TRMT9B: variants seen among roughly 807,000 people sequenced by gnomAD.
TRMT9B encodes the protein tRNA methyltransferase 9B (putative), also known as probable tRNA methyltransferase 9B.
TRMT9B carries 16 observed loss-of-function variants against 11.5 expected under a neutral mutation model. The observed-to-expected ratio is 1.39, with a 90% CI of 0.94 to 2.11. The LOEUF is 2.11. Among genes scored for constraint, TRMT9B ranks in the 30% most tolerant of loss-of-function variants. The probability of loss-of-function intolerance (pLI) is 0.00; values close to 1 mark genes in which losing one functional copy is unlikely to be tolerated. For missense variants in TRMT9B, 941 were observed against 553.8 expected (o/e 1.70, Z -7.02); for synonymous variants, 274 against 192.4 (o/e 1.42, Z -3.51).
intron 2 of TRMT9B, among the ~76,000 whole-genome samples, chr8:12,998,615 C>A: frequency 6.6e-6 from 1 of 152,324 alleles, no homozygotes; most frequent in African/African-American, 2.4e-5. Context: ...TAAAAAGCAC[C>A]GTCTTGAGGA....
At chr8:13,008,840 TG>T (rs749285068) in intron 3 of TRMT9B, among the ~76,000 whole-genome samples, 1 of 152,190 alleles carries the variant, frequency 6.6e-6, no homozygotes, top group Non-Finnish European at 1.5e-5. Flanking sequence ...GCCATTCTCC[TG>T]CCTCAGCCTC....
At position 13,012,763 on chromosome 8, in the gene TRMT9B, G is replaced by C. The variant is rs1811889524; in HGVS notation, c.234G>C (p.Glu78Asp). 1 of 1,613,972 alleles carries C rather than the reference G, an allele frequency of 6.2e-7. No homozygotes were observed. The highest frequency in any genetic ancestry group is 8.5e-7 in the Non-Finnish European group (1 of 1,179,884). Reference sequence around the variant, plus strand: ...GTGACTACTGTGGGCCACTGGTAGAGATTGCCCGGAATAGAGGATGTGAAG... The same window carrying C: ...GTGACTACTGTGGGCCACTGGTAGACATTGCCCGGAATAGAGGATGTGAAG... ...VGCDYCGPLV[E>D]IARNRGCEAM... Residue 78 changes from glutamate (E) to aspartate (D), a missense_variant, in exon 4 of 5, where the codon GAG (glutamate) becomes GAC (aspartate). Coordinates refer to ENST00000524591, the MANE Select transcript of TRMT9B (RefSeq NM_020844.3).
chr8:13,025,205 T>A lies in TRMT9B; in HGVS notation c.*3161T>A, dbSNP rs1237886757. On this transcript the variant is annotated 3_prime_UTR_variant, in exon 5 of 5. Transcript: ENST00000524591. ...TGAAATAGAAGGGAGAGTTTGGGGGTTTATTGGAGGAGTCTTAAAAACTTG... is the reference window on the plus strand; with the variant it reads ...TGAAATAGAAGGGAGAGTTTGGGGGATTATTGGAGGAGTCTTAAAAACTTG... 1 of 166,398 alleles carries A rather than the reference T, an allele frequency of 6.0e-6. No homozygotes were observed. The highest frequency in any genetic ancestry group is 1.5e-5 in the Non-Finnish European group (1 of 68,072). The allele number at this position is 166,398 out of a possible 1,614,324, so 10.3% of individuals were successfully genotyped here.
chr8:12,960,597 A>G (rs188287481), intron 1 of TRMT9B: 1 of 152,344 alleles, frequency 6.6e-6, no homozygotes, highest in Admixed American at 6.5e-5. Context: ...AAATTGTAGT[A>G]TATCCTTACA....
intron 1 of TRMT9B, 110 bp from the exon 2 acceptor site, chr8:12,990,724 C>G (rs901647462): frequency 2.6e-5 from 12 of 470,344 alleles, no homozygotes; most frequent in Non-Finnish European, 3.0e-5. Flanking sequence ...TTTCTAATCC[C>G]TACTTGGCTG....
intron 1 of TRMT9B, among the ~76,000 whole-genome samples, chr8:12,967,491 A>C (rs1212947828): frequency 6.6e-6 from 1 of 152,232 alleles, no homozygotes; most frequent in Non-Finnish European, 1.5e-5. Context: ...CTTGGGTTAA[A>C]GTTGACATTA....
chr8:13,015,136 C>T (rs1202849471), intron 4 of TRMT9B, among the ~76,000 whole-genome samples: 1 of 151,376 alleles, frequency 6.6e-6, no homozygotes, highest in Admixed American at 6.6e-5. Flanking sequence ...ACTGCTTGGT[C>T]TTCTTTTGTC....
In TRMT9B at chr8:13,021,918, T is replaced by C; in HGVS notation, c.1239T>C (p.His413=). The change falls in exon 5 of 5, where the codon CAT becomes CAC. Residue 413 remains histidine, a synonymous_variant. Coordinates refer to ENST00000524591, the MANE Select transcript of TRMT9B (RefSeq NM_020844.3). ...LDSTAFMRYY[H]VFREGELCSL... The stretch of plus-strand genomic sequence containing the variant: ...CCACAGCCTTTATGCGCTACTACCA[T>C]GTGTTTCGAGAAGGGGAGCTCTGCA... The C allele has an allele frequency of 2.5e-6, 4 of 1,613,746 alleles. No homozygotes were observed. The highest frequency in any genetic ancestry group is 2.5e-6 in the Non-Finnish European group (3 of 1,179,866).
intron 1 of TRMT9B, among the ~76,000 whole-genome samples, chr8:12,990,455 A>C (rs1807143104): frequency 6.6e-6 from 1 of 152,222 alleles, no homozygotes; most frequent in Admixed American, 6.5e-5. Context: ...TAATATGGAA[A>C]ATATTGAGCA....
At chr8:13,006,391 C>G in intron 3 of TRMT9B, 35 bp downstream of exon 3, 1 of 648,146 alleles carries the variant, frequency 1.5e-6, no homozygotes, top group Non-Finnish European at 2.8e-6. Context: ...CATAGGTAAC[C>G]AGGCAGCCTC....
intron 2 of TRMT9B, among the ~76,000 whole-genome samples, chr8:12,991,897 C>G (rs1807404985): frequency 6.6e-6 from 1 of 152,182 alleles, no homozygotes; most frequent in African/African-American, 2.4e-5. Context: ...CGCCACTGCA[C>G]TCCAGGCTGG....
chr8:12,998,047 A>G (rs998625703), intron 2 of TRMT9B, among the ~76,000 whole-genome samples: 1 of 152,160 alleles, frequency 6.6e-6, no homozygotes, highest in African/African-American at 2.4e-5. Context: ...CCTGACCATT[A>G]TGAAGTGTCT....
At chr8:13,012,525 A>C in intron 3 of TRMT9B, 159 bp from the exon 4 acceptor site, 1 of 926,486 alleles carries the variant, frequency 1.1e-6, no homozygotes, top group Non-Finnish European at 1.5e-6. Flanking sequence ...CAGTGAACCG[A>C]GATTGCGCCA....
At chr8:12,974,669 ATGT>A (rs1435860454) in intron 1 of TRMT9B, among the ~76,000 whole-genome samples, 1 of 148,338 alleles carries the variant, frequency 6.7e-6, no homozygotes, top group Non-Finnish European at 1.5e-5. Flanking sequence ...AGTGAAAGTA[ATGT>A]TGTGAGGTTG....
intron 1 of TRMT9B, among the ~76,000 whole-genome samples, chr8:12,978,984 C>T (rs540330980): frequency 6.6e-6 from 1 of 152,108 alleles, no homozygotes; most frequent in East Asian, 1.9e-4. Context: ...GGTGTGTAAA[C>T]CTTCTGGGTT....
Position 13,021,314 on chromosome 8 carries a change from C to T in TRMT9B, c.635C>T (p.Ser212Phe). The T allele has an allele frequency of 3.1e-6, 5 of 1,613,966 alleles. No homozygotes were observed. Among genetic ancestry groups the T allele is most frequent in the Non-Finnish European group, 4.2e-6 (5 of 1,179,856 alleles). The change falls in exon 5 of 5, where the codon TCC (serine) becomes TTC (phenylalanine). Residue 212 changes from serine (S) to phenylalanine (F), a missense_variant. By Grantham distance (155) the Ser-to-Phe change is radical. Coordinates refer to ENST00000524591, the MANE Select transcript of TRMT9B (RefSeq NM_020844.3). The stretch of plus-strand genomic sequence containing the variant: ...AAAGAGCAGTGTGGTTCAAAACGGT[C>T]CCACAGCGTGGGCTATGAACCTGCT... ...CFKEQCGSKRSHSVGYEPAMA... is the reference protein window; with the variant it reads ...CFKEQCGSKRFHSVGYEPAMA...
chr8:12,991,997 G>T (rs560704964), intron 2 of TRMT9B, among the ~76,000 whole-genome samples: 2 of 152,270 alleles, frequency 1.3e-5, no homozygotes, highest in Non-Finnish European at 2.9e-5. Flanking sequence ...AACTGGAAAA[G>T]CTCAGTCTTG....
intron 1 of TRMT9B, among the ~76,000 whole-genome samples, chr8:12,989,180 A>T (rs2128877656): frequency 6.6e-6 from 1 of 152,302 alleles, no homozygotes; most frequent in East Asian, 1.9e-4. Flanking sequence ...AGAAGGTTTA[A>T]GGTACAGACC....
intron 1 of TRMT9B, among the ~76,000 whole-genome samples, chr8:12,977,209 C>T (rs1804591926): frequency 6.6e-6 from 1 of 152,178 alleles, no homozygotes; most frequent in South Asian, 2.1e-4. Flanking sequence ...TGAAGCTTTG[C>T]ATAATGCCAT....
Sources: gnomAD v4.1 joint callset for allele counts (sites outside exome capture counted in the v4.1 genomes callset) on GRCh38, gnomAD v4.1.1 for gene constraint, MANE v1.5 for transcripts, NCBI Gene and HGNC (gene_info 2026-07-23, HGNC 2026-07-21) for gene names.